The following DCC variants were observed in gnomAD, a reference collection of about 807,000 sequenced individuals.
The protein encoded by DCC is DCC netrin 1 receptor.
A neutral mutation model predicts 172.5 loss-of-function variants in DCC; 58 were observed. That is an observed-to-expected ratio of 0.34 (90% confidence interval 0.27 to 0.42). The LOEUF (loss-of-function observed/expected upper bound fraction) is 0.42, where lower values mean the gene tolerates loss of function less well. DCC is among the 10% of genes least tolerant of loss of function. The pLI is 1.00. For missense variants in DCC, 1,740 were observed against 1,791.0 expected, an observed-to-expected ratio of 0.97 and a Z score of 0.51; for synonymous variants, 709 against 644.5, an observed-to-expected ratio of 1.10 and a Z score of -1.52.
chr18:52,969,568 A>T (rs2040989239), intron 5 of DCC, among the ~76,000 whole-genome samples: 1 of 106,548 alleles, frequency 9.4e-6, no homozygotes. Flanking sequence ...CAATTTCCTT[A>T]TTTGCCCCGC....
At chr18:52,489,705 C>G (rs1484548014) in intron 1 of DCC, among the ~76,000 whole-genome samples, 1 of 152,080 alleles carries the variant, frequency 6.6e-6, no homozygotes, top group Non-Finnish European at 1.5e-5. Flanking sequence ...GCTTCCCTCA[C>G]TCTCCCCCAG....
At chr18:53,207,605 G>T in intron 10 of DCC, 74 bp from the exon 11 acceptor site, 1 of 1,354,972 alleles carries the variant, frequency 7.4e-7, no homozygotes, top group Non-Finnish European at 1.1e-6. Context: ...CCAATTCACT[G>T]ATTGCACAGA....
chr18:53,265,866 T>C (rs890281052), intron 12 of DCC, among the ~76,000 whole-genome samples: 3 of 152,230 alleles, frequency 2.0e-5, no homozygotes, highest in Non-Finnish European at 4.4e-5. Context: ...TTTCTGTTGG[T>C]GATACCTCTG....
intron 14 of DCC, among the ~76,000 whole-genome samples, chr18:53,334,299 C>T (rs1467706610): frequency 6.6e-6 from 1 of 152,136 alleles, no homozygotes; most frequent in East Asian, 1.9e-4. Context: ...AGATCTTCTC[C>T]TTCTACTTAG....
At chr18:52,856,014 C>T (rs1197766559) in intron 2 of DCC, among the ~76,000 whole-genome samples, 1 of 151,858 alleles carries the variant, frequency 6.6e-6, no homozygotes, top group Non-Finnish European at 1.5e-5. Context: ...ATCCACCTGC[C>T]TCGGCCTCCC....
chr18:53,078,881 A>G (rs904701466), intron 7 of DCC, among the ~76,000 whole-genome samples: 7 of 152,174 alleles, frequency 4.6e-5, no homozygotes, highest in African/African-American at 1.7e-4. Flanking sequence ...AACACACGTC[A>G]TTATAAAGCA....
At chr18:52,525,516 G>A (rs1208497729) in intron 1 of DCC, among the ~76,000 whole-genome samples, 2 of 152,318 alleles carry the variant, frequency 1.3e-5, no homozygotes, top group Non-Finnish European at 2.9e-5. Flanking sequence ...GTGGATGGCT[G>A]CTTTTGAACT....
chr18:53,476,928 A>G (rs1245779606), intron 25 of DCC, among the ~76,000 whole-genome samples: 2 of 152,228 alleles, frequency 1.3e-5, no homozygotes, highest in Admixed American at 1.3e-4. Context: ...CATCACATTC[A>G]TTGTTATCTA....
At chr18:53,075,429 T>C (rs955006144) in intron 7 of DCC, among the ~76,000 whole-genome samples, 10 of 152,188 alleles carry the variant, frequency 6.6e-5, no homozygotes, top group Admixed American at 3.9e-4. Flanking sequence ...TGCAGTAATA[T>C]GAATGTACTG....
chr18:53,072,760 T>G (rs769128740), intron 7 of DCC, among the ~76,000 whole-genome samples: 4 of 152,332 alleles, frequency 2.6e-5, no homozygotes, highest in South Asian at 4.1e-4. Flanking sequence ...GGGCAAGATA[T>G]AGGGTCTATG....
intron 15 of DCC, among the ~76,000 whole-genome samples, chr18:53,385,763 T>G (rs1908119694): frequency 6.6e-6 from 1 of 152,102 alleles, no homozygotes; most frequent in South Asian, 2.1e-4. Flanking sequence ...TATATTAGGG[T>G]TCGAGGGCAC....
At chr18:53,222,682 G>A (rs547331913) in intron 12 of DCC, among the ~76,000 whole-genome samples, 3 of 151,784 alleles carry the variant, frequency 2.0e-5, no homozygotes, top group South Asian at 2.1e-4. Context: ...CACCACGCCC[G>A]GCCTATGGTA....
At chr18:53,488,159 C>T (rs1003157849) in intron 26 of DCC, among the ~76,000 whole-genome samples, 1 of 152,152 alleles carries the variant, frequency 6.6e-6, no homozygotes, top group Non-Finnish European at 1.5e-5. Flanking sequence ...CTGAGGTGGG[C>T]AGATCACTTG....
At chr18:53,006,057 G>A (rs1173226013) in intron 5 of DCC, among the ~76,000 whole-genome samples, 1 of 152,048 alleles carries the variant, frequency 6.6e-6, no homozygotes, top group Non-Finnish European at 1.5e-5. Context: ...TTATTTCTGT[G>A]GTTGCTATTT....
chr18:52,606,163 G>A (rs372443020), intron 1 of DCC, among the ~76,000 whole-genome samples: 6 of 152,096 alleles, frequency 3.9e-5, no homozygotes, highest in African/African-American at 1.4e-4. Flanking sequence ...AAGGAAGGCT[G>A]GAAAATATAG....
chr18:52,585,810 G>T (rs373094726), intron 1 of DCC, among the ~76,000 whole-genome samples: 8 of 152,212 alleles, frequency 5.3e-5, no homozygotes, highest in African/African-American at 1.4e-4. Flanking sequence ...TCGGCCGGGC[G>T]CGGTGGCTCA....
intron 12 of DCC, among the ~76,000 whole-genome samples, chr18:53,226,707 AC>A (rs2056033730): frequency 2.6e-5 from 4 of 151,874 alleles, no homozygotes. Context: ...AACAAACAAA[AC>A]AAAAAACAAA....
At chr18:52,943,087 ATGT>A (rs926725034) in intron 5 of DCC, among the ~76,000 whole-genome samples, 3 of 151,690 alleles carry the variant, frequency 2.0e-5, no homozygotes, top group Non-Finnish European at 4.4e-5. Flanking sequence ...TACCATTTTG[ATGT>A]TTGTTTGTAT....
intron 9 of DCC, among the ~76,000 whole-genome samples, chr18:53,200,723 A>G (rs1246195367): frequency 1.3e-5 from 2 of 152,096 alleles, no homozygotes; most frequent in Admixed American, 1.3e-4. Context: ...TCTGTTTCCC[A>G]GAAGTTTCCA....
Sources: gnomAD v4.1 joint callset for allele counts (sites outside exome capture counted in the v4.1 genomes callset) on GRCh38, gnomAD v4.1.1 for gene constraint, MANE v1.5 for transcripts, NCBI Gene and HGNC (gene_info 2026-07-23, HGNC 2026-07-21) for gene names.